The following PRKRIP1 variants were observed in gnomAD, a reference collection of about 807,000 sequenced individuals.
PRKRIP1 encodes the protein PRKR-interacting protein 1.
A neutral mutation model predicts 29.3 loss-of-function variants in PRKRIP1; 29 were observed. The ratio of observed to expected loss-of-function variants is 0.99; its 90% confidence interval spans 0.74 to 1.35. PRKRIP1 has a LOEUF of 1.35. Among genes scored for constraint, PRKRIP1 ranks in the 40% most tolerant of loss-of-function variants. The pLI is 0.00. For synonymous variants in PRKRIP1, 90 were observed against 85.1 expected (o/e 1.06, Z -0.32); for missense variants, 247 against 236.8 (o/e 1.04, Z -0.28).
At chr7:102,401,289 T>G (rs781788243) in intron 3 of PRKRIP1, among the ~76,000 whole-genome samples, 1 of 152,200 alleles carries the variant, frequency 6.6e-6, no homozygotes, top group Non-Finnish European at 1.5e-5. Flanking sequence ...CAAAGAGCAG[T>G]GGATATATCT....
intron 2 of PRKRIP1, among the ~76,000 whole-genome samples, 163 bp downstream of exon 2, chr7:102,397,861 C>T (rs886142473): frequency 2.6e-5 from 4 of 151,914 alleles, no homozygotes; most frequent in African/African-American, 4.8e-5. Context: ...CTGGCTAACA[C>T]GGTGAAACCC....
chr7:102,403,800 A>G (rs997439853), intron 3 of PRKRIP1, among the ~76,000 whole-genome samples: 1 of 152,230 alleles, frequency 6.6e-6, no homozygotes, highest in Non-Finnish European at 1.5e-5. Context: ...AGTACTTACA[A>G]ATATCTGTGT....
chr7:102,423,071 A>G (rs1046405848), intron 5 of PRKRIP1: 2 of 439,474 alleles, frequency 4.6e-6, no homozygotes, highest in Admixed American at 2.5e-5. Flanking sequence ...ATCCAGCTCA[A>G]CGAGTATTGT....
In PRKRIP1 at chr7:102,425,302, A is replaced by T; in HGVS notation, c.*191A>T. The T allele has an allele frequency of 8.9e-7, 1 of 1,124,466 alleles. No homozygotes were observed. Among genetic ancestry groups the T allele is most frequent in the Non-Finnish European group, 1.2e-6 (1 of 801,658 alleles). 69.7% of individuals were successfully genotyped at this position (1,124,466 alleles called of 1,614,324 possible). ...GAGCCTGAGGGGCCATCTCCCTGAC[A>T]CTCAGAGGCACTGCCTTGCAGACAC... On this transcript the variant is annotated 3_prime_UTR_variant, in exon 6 of 6. Coordinates refer to ENST00000397912, the MANE Select transcript of PRKRIP1 (RefSeq NM_024653.4).
rs782086606 is a variant in PRKRIP1, at chr7:102,396,366, C to A, written c.-46C>A. On this transcript the variant is annotated 5_prime_UTR_variant, in exon 1 of 6. Coordinates refer to ENST00000397912, the MANE Select transcript of PRKRIP1 (RefSeq NM_024653.4). ...GCCGGCGCGCGGCTGTGTCGTCATA[C>A]TTGCGCGCCGACGCCGCCGCTCGCT... The A allele has an allele frequency of 5.6e-5, 83 of 1,478,924 alleles. No homozygotes were observed. Among genetic ancestry groups the A allele is most frequent in the Non-Finnish European group, 7.2e-5 (81 of 1,119,204 alleles). The allele number at this position is 1,478,924 out of a possible 1,614,324, so 91.6% of individuals were successfully genotyped here.
rs1554570303 is a variant in PRKRIP1 at position 102,396,397 on chromosome 7, A to C, written c.-15A>C. 2.6e-6 allele frequency: 4 copies of C among 1,539,502 alleles called. No individual in the cohort carries two copies. Among genetic ancestry groups the C allele is most frequent in the Admixed American group, 2.3e-5 (1 of 43,448 alleles). On this transcript the variant is annotated 5_prime_UTR_variant, in exon 1 of 6. Transcript: ENST00000397912. Reference sequence around the variant, plus strand: ...CGCCGACGCCGCCGCTCGCTTGTGAAACTGGAAGGCTGCCATGGCTAGCCC... The same window carrying C: ...CGCCGACGCCGCCGCTCGCTTGTGACACTGGAAGGCTGCCATGGCTAGCCC...
At chr7:102,413,460 C>G (rs557965641) in intron 5 of PRKRIP1, among the ~76,000 whole-genome samples, 1 of 152,236 alleles carries the variant, frequency 6.6e-6, no homozygotes, top group African/African-American at 2.4e-5. Flanking sequence ...CAGAAAAGAA[C>G]AACATCAAAA....
intron 5 of PRKRIP1, among the ~76,000 whole-genome samples, chr7:102,411,054 G>A (rs576024794): frequency 6.6e-6 from 1 of 152,170 alleles, no homozygotes; most frequent in Admixed American, 6.5e-5. Flanking sequence ...TCAGCCTCTT[G>A]AGTAGCTGGG....
chr7:102,413,070 C>T (rs1208411224), intron 5 of PRKRIP1, among the ~76,000 whole-genome samples: 2 of 152,194 alleles, frequency 1.3e-5, no homozygotes, highest in African/African-American at 4.8e-5. Flanking sequence ...TCCACAGTTG[C>T]ACTACTGATG....
At chr7:102,414,696 C>A (rs900544793) in intron 5 of PRKRIP1, among the ~76,000 whole-genome samples, 5 of 152,142 alleles carry the variant, frequency 3.3e-5, no homozygotes, top group Middle Eastern at 3.4e-3. Flanking sequence ...ACCAGCCTGA[C>A]CAACATGGTA....
At chr7:102,401,958 G>T (rs1554571220) in intron 3 of PRKRIP1, among the ~76,000 whole-genome samples, 2 of 152,176 alleles carry the variant, frequency 1.3e-5, no homozygotes, top group African/African-American at 4.8e-5. Context: ...TCATTGTTGT[G>T]CTGGCTGTCA....
chr7:102,410,917 G>GT (rs1796364483), intron 5 of PRKRIP1, among the ~76,000 whole-genome samples: 1 of 152,054 alleles, frequency 6.6e-6, no homozygotes, highest in Non-Finnish European at 1.5e-5. Flanking sequence ...CATTTAATTT[G>GT]TTTTTTGTTT....
intron 5 of PRKRIP1, chr7:102,422,979 C>T: frequency 6.3e-6 from 2 of 319,420 alleles, no homozygotes; most frequent in Middle Eastern, 4.0e-4. Flanking sequence ...GATAAGGGAT[C>T]TGCAGCCCAT....
At chr7:102,403,620 CTGAG>C (rs1796130219) in intron 3 of PRKRIP1, among the ~76,000 whole-genome samples, 2 of 152,326 alleles carry the variant, frequency 1.3e-5, no homozygotes, top group South Asian at 4.1e-4. Flanking sequence ...TCTCAGCCTC[CTGAG>C]TATCAGCCTC....
At chr7:102,403,818 G>T (rs984412750) in intron 3 of PRKRIP1, among the ~76,000 whole-genome samples, 6 of 152,174 alleles carry the variant, frequency 3.9e-5, no homozygotes, top group Non-Finnish European at 7.3e-5. Context: ...TGTGGGTGTG[G>T]GTGTGTGCTT....
At chr7:102,399,068 G>C (rs1343529969) in intron 2 of PRKRIP1, among the ~76,000 whole-genome samples, 1 of 152,206 alleles carries the variant, frequency 6.6e-6, no homozygotes, top group African/African-American at 2.4e-5. Flanking sequence ...GCTCCAATGA[G>C]CTGTGATTGC....
intron 5 of PRKRIP1, among the ~76,000 whole-genome samples, chr7:102,410,896 T>A (rs1381464042): frequency 6.6e-6 from 1 of 152,198 alleles, no homozygotes; most frequent in Non-Finnish European, 1.5e-5. Flanking sequence ...TATGTTTGGA[T>A]TCAAGGCTAC....
At chr7:102,417,620 CTTT>C (rs1276644958) in intron 5 of PRKRIP1, among the ~76,000 whole-genome samples, 4 of 127,398 alleles carry the variant, frequency 3.1e-5, no homozygotes, top group Admixed American at 8.0e-5. Flanking sequence ...TTGTGGGTAC[CTTT>C]TTTTTTTTTT....
In PRKRIP1 at chr7:102,425,687, C is replaced by T. The variant is rs1796814074; in HGVS notation, c.*576C>T. ...CGGTGCTCTCGTGTTCTGGGAAGGC[C>T]TGGGTGTGTGCACAAGGAGGCCCGG... is the stretch of plus-strand genomic sequence containing the variant. On this transcript the variant is annotated 3_prime_UTR_variant, in exon 6 of 6. Coordinates refer to ENST00000397912, the MANE Select transcript of PRKRIP1 (RefSeq NM_024653.4). 1.0e-5 allele frequency: 2 copies of T among 194,108 alleles called. No homozygotes were observed. The highest frequency in any genetic ancestry group is 2.4e-5 in the African/African-American group (1 of 41,620). The allele number at this position is 194,108 out of a possible 1,614,324, so 12.0% of individuals were successfully genotyped here.
Sources: gnomAD v4.1 joint callset for allele counts (sites outside exome capture counted in the v4.1 genomes callset) on GRCh38, gnomAD v4.1.1 for gene constraint, MANE v1.5 for transcripts, NCBI Gene and HGNC (gene_info 2026-07-23, HGNC 2026-07-21) for gene names.